The following FOXO1 variants were observed in gnomAD, a reference collection of about 807,000 sequenced individuals.
The protein encoded by FOXO1 is forkhead box protein O1.
Under a neutral mutation model 44.1 loss-of-function variants are expected in FOXO1, and 6 were observed. The ratio of observed to expected loss-of-function variants is 0.14; its 90% CI spans 0.07 to 0.27. The LOEUF is 0.27. Among genes scored for constraint, FOXO1 ranks in the 10% least tolerant of loss-of-function variants. FOXO1 has a pLI of 1.00. For synonymous variants in FOXO1, 380 were observed against 362.7 expected (o/e 1.05, Z -0.54); for missense variants, 737 against 888.8 (o/e 0.83, Z 2.17).
chr13:40,658,690 A>G (rs1014363358), intron 1 of FOXO1, among the ~76,000 whole-genome samples: 1 of 152,184 alleles, frequency 6.6e-6, no homozygotes, highest in Non-Finnish European at 1.5e-5. Context: ...CAAGATAAGA[A>G]ACGATTTCTC....
chr13:40,602,416 T>G (rs1031974115), intron 1 of FOXO1, among the ~76,000 whole-genome samples: 1 of 152,194 alleles, frequency 6.6e-6, no homozygotes, highest in Non-Finnish European at 1.5e-5. Context: ...AGTCTCACTT[T>G]TGAGGACAAG....
chr13:40,659,865 T>C (rs2297626), intron 1 of FOXO1, among the ~76,000 whole-genome samples: 18,560 of 152,096 alleles, frequency 0.12, 1,992 homozygotes, highest in East Asian at 0.4. Flanking sequence ...ATAGCCAACG[T>C]ACAAAAATGT....
At chr13:40,624,372 AAT>A (rs1876718400) in intron 1 of FOXO1, among the ~76,000 whole-genome samples, 1 of 151,880 alleles carries the variant, frequency 6.6e-6, no homozygotes, top group African/African-American at 2.4e-5. Flanking sequence ...AGCAAAGAGA[AAT>A]ATGTTACTAC....
intron 1 of FOXO1, chr13:40,619,528 G>A: frequency 7.4e-7 from 1 of 1,353,674 alleles, no homozygotes; most frequent in Non-Finnish European, 1.1e-6. Flanking sequence ...TGAAAATAGA[G>A]GATCTGAAAT....
intron 1 of FOXO1, among the ~76,000 whole-genome samples, chr13:40,628,238 A>G (rs1282443441): frequency 2.0e-5 from 3 of 152,092 alleles, no homozygotes; most frequent in Non-Finnish European, 4.4e-5. Context: ...AGGGTGATGA[A>G]TAATGTTCGT....
chr13:40,642,399 G>A (rs1479532354), intron 1 of FOXO1, among the ~76,000 whole-genome samples: 2 of 152,156 alleles, frequency 1.3e-5, no homozygotes, highest in Non-Finnish European at 2.9e-5. Flanking sequence ...TTTTGCACCG[G>A]CAACTATACT....
chr13:40,616,702 C>T (rs940111796), intron 1 of FOXO1, among the ~76,000 whole-genome samples: 3 of 152,152 alleles, frequency 2.0e-5, no homozygotes, highest in Admixed American at 2.0e-4. Context: ...AGTTGTGTTT[C>T]TCTGCTTAGG....
intron 1 of FOXO1, among the ~76,000 whole-genome samples, chr13:40,601,690 T>C (rs1366697780): frequency 2.0e-5 from 3 of 152,212 alleles, no homozygotes; most frequent in East Asian, 1.9e-4. Flanking sequence ...TTTGGTCACA[T>C]TGGCACCTTT....
Position 40,558,773 on chromosome 13 carries a change from G to A in FOXO1, c.*276C>T. 3 of 398,978 alleles carry A rather than the reference G, an allele frequency of 7.5e-6. No individual in the cohort carries two copies. The highest frequency in any genetic ancestry group is 2.1e-5 in the African/African-American group (1 of 48,760). 24.7% of individuals were successfully genotyped at this position (398,978 alleles called of 1,614,324 possible). ...ATCTTTTCTGCAATTATATGGTGTAGTGAGTTTGGCACTTCATTGTAATGA... is the reference window on the plus strand; with the variant it reads ...ATCTTTTCTGCAATTATATGGTGTAATGAGTTTGGCACTTCATTGTAATGA... On this transcript the variant is annotated 3_prime_UTR_variant, in exon 3 of 3. Coordinates refer to ENST00000379561, the MANE Select transcript of FOXO1 (RefSeq NM_002015.4).
At chr13:40,579,426 T>C (rs930673846) in intron 1 of FOXO1, among the ~76,000 whole-genome samples, 4 of 152,054 alleles carry the variant, frequency 2.6e-5, no homozygotes, top group Non-Finnish European at 4.4e-5. Context: ...TCCCCAACAG[T>C]CAACATCATC....
chr13:40,601,630 A>G (rs1292668120), intron 1 of FOXO1, among the ~76,000 whole-genome samples: 2 of 152,242 alleles, frequency 1.3e-5, no homozygotes, highest in African/African-American at 4.8e-5. Flanking sequence ...ATCCTGCAAT[A>G]TAATACTTTA....
chr13:40,608,143 C>T (rs899328747), intron 1 of FOXO1, among the ~76,000 whole-genome samples: 5 of 152,218 alleles, frequency 3.3e-5, no homozygotes, highest in Non-Finnish European at 7.3e-5. Flanking sequence ...CTACCCTCAG[C>T]TGCTAACATT....
At chr13:40,574,675 G>C (rs759015540) in intron 1 of FOXO1, among the ~76,000 whole-genome samples, 6 of 152,060 alleles carry the variant, frequency 3.9e-5, no homozygotes, top group Non-Finnish European at 8.8e-5. Context: ...GTAGTCTCTG[G>C]TATTTCAATT....
chr13:40,620,501 TAGTACTCTA>T, intron 1 of FOXO1: 2 of 524,936 alleles, frequency 3.8e-6, no homozygotes, highest in Non-Finnish European at 7.1e-6. Context: ...CTGGAGAATC[TAGTACTCTA>T]AGGGAGGGTT....
rs1200604432 is a variant in FOXO1, at chr13:40,556,431, A to C, written c.*2618T>G. ...TATCTGAATAGCTCTATAATACAAT[A>C]TGCTTTTAATAACAGTACAAACCAG... On this transcript the variant is annotated 3_prime_UTR_variant, in exon 3 of 3. Transcript: ENST00000379561. 6.5e-6 allele frequency: 1 copy of C among 152,678 alleles called. No individual in the cohort carries two copies. Among genetic ancestry groups the C allele is most frequent in the Non-Finnish European group, 1.5e-5 (1 of 68,048 alleles). The allele number at this position is 152,678 out of a possible 1,614,324, so 9.5% of individuals were successfully genotyped here.
chr13:40,598,604 C>T (rs1875686329), intron 1 of FOXO1, among the ~76,000 whole-genome samples: 1 of 152,188 alleles, frequency 6.6e-6, no homozygotes, highest in African/African-American at 2.4e-5. Flanking sequence ...CACAAGGTCA[C>T]TACCCACCCA....
Position 40,556,601 on chromosome 13 carries a change from G to C in FOXO1, c.*2448C>G, listed in dbSNP as rs1873760204. On this transcript the variant is annotated 3_prime_UTR_variant, in exon 3 of 3. Transcript: ENST00000379561. ...AACTACCAGAGGCCACATAATGTTTGCTTTCCAGACAGACCAGATGCCTTT... is the reference window on the plus strand; with the variant it reads ...AACTACCAGAGGCCACATAATGTTTCCTTTCCAGACAGACCAGATGCCTTT... 6.5e-6 allele frequency: 1 copy of C among 152,704 alleles called. No homozygotes were observed. The highest frequency in any genetic ancestry group is 1.5e-5 in the Non-Finnish European group (1 of 68,022). 9.5% of individuals were successfully genotyped at this position (152,704 alleles called of 1,614,324 possible).
intron 1 of FOXO1, among the ~76,000 whole-genome samples, chr13:40,658,692 C>T (rs1020692886): frequency 6.6e-6 from 1 of 152,126 alleles, no homozygotes; most frequent in Non-Finnish European, 1.5e-5. Context: ...AGATAAGAAA[C>T]GATTTCTCAA....
At chr13:40,633,570 G>A (rs1877046848) in intron 1 of FOXO1, among the ~76,000 whole-genome samples, 1 of 152,074 alleles carries the variant, frequency 6.6e-6, no homozygotes, top group South Asian at 2.1e-4. Flanking sequence ...TTCACAACAG[G>A]CAAATCCATA....
Sources: gnomAD v4.1 joint callset for allele counts (sites outside exome capture counted in the v4.1 genomes callset) on GRCh38, gnomAD v4.1.1 for gene constraint, MANE v1.5 for transcripts, NCBI Gene and HGNC (gene_info 2026-07-23, HGNC 2026-07-21) for gene names.